The following ADA2 variants were observed in gnomAD, a reference collection of about 807,000 sequenced individuals.
ADA2 encodes adenosine deaminase 2, also known as adenosine deaminase CECR1.
Under a neutral mutation model 44.2 loss-of-function variants are expected in ADA2, and 29 were observed. The observed-to-expected ratio is 0.66, with a 90% CI of 0.49 to 0.89. The LOEUF is 0.89. ADA2 is among the 40% of genes least tolerant of loss of function. The pLI, the probability that ADA2 is intolerant of heterozygous loss-of-function variation, is 0.00. For missense variants in ADA2, 637 were observed against 644.8 expected (o/e 0.99, Z 0.13); for synonymous variants, 215 against 234.9 (o/e 0.92, Z 0.77).
intron 8 of ADA2, 81 bp from the exon 9 acceptor site, chr22:17,182,103 C>A: frequency 9.3e-7 from 1 of 1,073,166 alleles, no homozygotes; most frequent in Non-Finnish European, 1.4e-6. Flanking sequence ...ACCTTGAGCC[C>A]CATCAGCTCC....
intron 7 of ADA2, among the ~76,000 whole-genome samples, chr22:17,187,034 C>T (rs551953259): frequency 1.4e-3 from 219 of 151,214 alleles, no homozygotes; most frequent in African/African-American, 5.2e-3. Flanking sequence ...GGCGTGGTGG[C>T]GGGCACCTGT....
intron 1 of ADA2, chr22:17,213,707 GA>G: frequency 8.1e-6 from 2 of 247,418 alleles, no homozygotes; most frequent in South Asian, 4.3e-5. Flanking sequence ...CAGCCTTTGA[GA>G]AAATGCAGGA....
chr22:17,216,758 CAAA>C (rs869276201), intron 1 of ADA2, among the ~76,000 whole-genome samples: 1 of 139,308 alleles, frequency 7.2e-6, no homozygotes. Context: ...GACTCCACCT[CAAA>C]AAAAAAAAAA....
rs775771931 is a variant in ADA2, at chr22:17,208,226, C to A, written c.323-936G>T. ...AGATCACGAGGTCAGGAGTTCGAGA[C>A]CAGCCTGACTAACATGGTGAAACCC... On this transcript the variant is annotated intron_variant, in intron 2 of 9. Coordinates refer to ENST00000399837, the MANE Select transcript of ADA2 (RefSeq NM_001282225.2). Among the ~76,000 whole-genome samples the A allele has an allele frequency of 5.9e-4, 89 of 150,266 alleles. 1 individual carries two copies. The Middle Eastern group carries it at 0.026, about 43-fold the overall frequency.
intron 7 of ADA2, among the ~76,000 whole-genome samples, chr22:17,188,036 C>T (rs79475857): frequency 3.5e-4 from 51 of 147,208 alleles, no homozygotes; most frequent in East Asian, 3.2e-3. Context: ...CCTGGGAAGC[C>T]GAGGTTGCAG....
chr22:17,219,496 G>C (rs2062504664), upstream of ADA2: 1 of 152,326 alleles, frequency 6.6e-6, no homozygotes, highest in African/African-American at 2.4e-5. Context: ...GATCCAACTA[G>C]AGGCCGGGGA....
chr22:17,190,657 T>A (rs1320260184), intron 5 of ADA2, among the ~76,000 whole-genome samples: 1 of 152,164 alleles, frequency 6.6e-6, no homozygotes, highest in Non-Finnish European at 1.5e-5. Context: ...CTCGGCTCTG[T>A]GGGGATAAAG....
Position 17,203,765 on chromosome 22 carries a change from C to A in ADA2, c.551G>T (p.Arg184Met). ...GTGCTGGGTCACCAGAGTGAAATTC[C>A]TCAGCAAGCTGTCCAAGACACGAAG... Reference protein sequence around the residue: ...NVTEFDDSLLRNFTLVTQHPE... With the variant: ...NVTEFDDSLLMNFTLVTQHPE... The change falls in exon 4 of 10, where the codon AGG becomes ATG. Residue 184 changes from arginine (R) to methionine (M), a missense_variant. Coordinates refer to ENST00000399837, the MANE Select transcript of ADA2 (RefSeq NM_001282225.2). 1 of 1,613,130 alleles carries A rather than the reference C, an allele frequency of 6.2e-7. No individual in the cohort carries two copies. The highest frequency in any genetic ancestry group is 8.5e-7 in the Non-Finnish European group (1 of 1,179,284).
At chr22:17,203,494 T>C in intron 4 of ADA2, 69 bp downstream of exon 4, 2 of 1,281,626 alleles carry the variant, frequency 1.6e-6, no homozygotes, top group South Asian at 2.4e-5. Flanking sequence ...TTCAGTCTTC[T>C]ACCAGCTAAG....
chr22:17,197,299 A>C, intron 4 of ADA2, among the ~76,000 whole-genome samples: 1 of 145,962 alleles, frequency 6.9e-6, no homozygotes, highest in Admixed American at 7.0e-5. Context: ...ACAGGGTCTC[A>C]CTCTGCGGCC....
At chr22:17,192,613 A>C (rs1371891463) in intron 4 of ADA2, among the ~76,000 whole-genome samples, 3 of 152,104 alleles carry the variant, frequency 2.0e-5, no homozygotes, top group Non-Finnish European at 4.4e-5. Context: ...GGATCACTTG[A>C]GGTCAGGAGT....
At chr22:17,218,381 C>G (rs1245893012) in intron 1 of ADA2, among the ~76,000 whole-genome samples, 1 of 152,154 alleles carries the variant, frequency 6.6e-6, no homozygotes, top group African/African-American at 2.4e-5. Context: ...ATGGCAGAAG[C>G]TGTACCCCCA....
chr22:17,214,258 C>A (rs2062447967), intron 1 of ADA2: 2 of 337,586 alleles, frequency 5.9e-6, no homozygotes, highest in Admixed American at 8.7e-5. Flanking sequence ...TGGCTTTACA[C>A]ACACCCTCGC....
intron 3 of ADA2, among the ~76,000 whole-genome samples, chr22:17,204,338 C>T (rs1175486286): frequency 1.3e-5 from 2 of 152,260 alleles, no homozygotes; most frequent in South Asian, 2.1e-4. Context: ...AAGAGGAGGC[C>T]AGGCGTGGTG....
Position 17,181,202 on chromosome 22 carries a change from G to C in ADA2, c.*281C>G, listed in dbSNP as rs2061964357. The C allele has an allele frequency of 2.6e-6, 1 of 378,148 alleles. No individual in the cohort carries two copies. Among genetic ancestry groups the C allele is most frequent in the South Asian group, 3.2e-5 (1 of 31,586 alleles). 23.4% of individuals were successfully genotyped at this position (378,148 alleles called of 1,614,324 possible). A position where few individuals can be genotyped will look rare whatever the true frequency, so the allele number is the denominator to read the frequency against. On this transcript the variant is annotated 3_prime_UTR_variant, in exon 10 of 10. Transcript: ENST00000399837. ...AGAAGAGAGCCCAGGACTGAGTCCT[G>C]AGGAAACAGCACAGAGATCAGAGAG...
At position 17,207,180 on chromosome 22, in the gene ADA2, G is replaced by C; in HGVS notation, c.433C>G (p.Gln145Glu). The part of the protein sequence containing the change: ...HICFTPRGIM[Q>E]FRFAHPTPRP... ...GGAGTTGGGTGAGCAAATCTGAACTGCATGATCCCCCTTGGGGTGAAACAG... is the reference window on the plus strand; with the variant it reads ...GGAGTTGGGTGAGCAAATCTGAACTCCATGATCCCCCTTGGGGTGAAACAG... Residue 145 changes from glutamine (Q) to glutamate (E), a missense_variant, in exon 3 of 10, where the codon CAG (glutamine) becomes GAG (glutamate). By Grantham distance (29) the Gln-to-Glu change is conservative. Transcript: ENST00000399837. 1 of 1,614,132 alleles carries C rather than the reference G, an allele frequency of 6.2e-7. No individual in the cohort carries two copies. The highest frequency in any genetic ancestry group is 1.3e-5 in the African/African-American group (1 of 75,064).
At chr22:17,212,115 C>T (rs2062425636) in intron 1 of ADA2, among the ~76,000 whole-genome samples, 1 of 151,798 alleles carries the variant, frequency 6.6e-6, no homozygotes, top group African/African-American at 2.4e-5. Context: ...ACCTCCTCCT[C>T]CCAGGTTCAA....
In ADA2 at chr22:17,188,330, C is replaced by G. The variant is rs1317994477; in HGVS notation, c.1081+9G>C. ...CTCCGCTGCCTCTGCTCGCATCCCGCAGGCTCACCTGTTTCTCCGGCGTGG... is the reference window on the plus strand; with the variant it reads ...CTCCGCTGCCTCTGCTCGCATCCCGGAGGCTCACCTGTTTCTCCGGCGTGG... On this transcript the variant is annotated intron_variant, in intron 7 of 9. Transcript: ENST00000399837. 6.2e-7 allele frequency: 1 copy of G among 1,607,026 alleles called. No individual in the cohort carries two copies. The highest frequency in any genetic ancestry group is 1.3e-5 in the African/African-American group (1 of 74,844).
chr22:17,205,871 G>C (rs1423146221), intron 3 of ADA2, among the ~76,000 whole-genome samples: 1 of 143,536 alleles, frequency 7.0e-6, no homozygotes. Flanking sequence ...TGCTGACACA[G>C]GAGGATTGCT....
Sources: gnomAD v4.1 joint callset for allele counts (sites outside exome capture counted in the v4.1 genomes callset) on GRCh38, gnomAD v4.1.1 for gene constraint, MANE v1.5 for transcripts, NCBI Gene and HGNC (gene_info 2026-07-23, HGNC 2026-07-21) for gene names.